FAM117B: variants seen among roughly 807,000 people sequenced by gnomAD.
FAM117B encodes family with sequence similarity 117 member B.
Under a neutral mutation model 52.8 loss-of-function variants are expected in FAM117B, and 22 were observed. That is an observed-to-expected ratio of 0.42 (90% CI 0.30 to 0.59). The LOEUF (loss-of-function observed/expected upper bound fraction) is 0.59. FAM117B is among the 20% of genes least tolerant of loss of function. The probability of loss-of-function intolerance (pLI) is 0.22; values close to 1 mark genes in which losing one functional copy is unlikely to be tolerated. For missense variants in FAM117B, 678 were observed against 802.6 expected (o/e 0.84, Z 1.88); for synonymous variants, 309 against 324.1 (o/e 0.95, Z 0.50).
chr2:202,638,481 T>C (rs1031713585), intron 1 of FAM117B, among the ~76,000 whole-genome samples: 2 of 152,182 alleles, frequency 1.3e-5, no homozygotes, highest in African/African-American at 4.8e-5. Flanking sequence ...GCTACTCCCA[T>C]GTCCTCTCTT....
intron 1 of FAM117B, among the ~76,000 whole-genome samples, chr2:202,656,172 C>T (rs1279551882): frequency 2.0e-5 from 3 of 152,044 alleles, no homozygotes; most frequent in African/African-American, 7.2e-5. Flanking sequence ...GTCAAAGAAC[C>T]AGCTTTTAGT....
At chr2:202,722,823 T>C (rs1490677358) in intron 2 of FAM117B, among the ~76,000 whole-genome samples, 1 of 151,848 alleles carries the variant, frequency 6.6e-6, no homozygotes, top group Non-Finnish European at 1.5e-5. Flanking sequence ...CCCTTGAACT[T>C]AAAAATTAAA....
chr2:202,764,567 GCTGA>G (rs1197384766), intron 7 of FAM117B, among the ~76,000 whole-genome samples: 2 of 152,162 alleles, frequency 1.3e-5, no homozygotes, highest in African/African-American at 4.8e-5. Context: ...ACCATGGCTG[GCTGA>G]TTTAGATTTT....
At chr2:202,676,686 A>G (rs1242326262) in intron 1 of FAM117B, among the ~76,000 whole-genome samples, 1 of 152,042 alleles carries the variant, frequency 6.6e-6, no homozygotes, top group African/African-American at 2.4e-5. Flanking sequence ...TCAGATGTTC[A>G]TTGTTTTAAG....
At chr2:202,662,156 G>A (rs1038435056) in intron 1 of FAM117B, among the ~76,000 whole-genome samples, 2 of 151,996 alleles carry the variant, frequency 1.3e-5, no homozygotes, top group African/African-American at 4.8e-5. Context: ...GTATGTGTGT[G>A]TGTGTACGTG....
chr2:202,660,313 C>A (rs1415017038), intron 1 of FAM117B, among the ~76,000 whole-genome samples: 1 of 151,920 alleles, frequency 6.6e-6, no homozygotes, highest in African/African-American at 2.4e-5. Context: ...TGAGTTTTTT[C>A]TTTTAGCAGG....
chr2:202,669,737 C>T (rs935414257), intron 1 of FAM117B, among the ~76,000 whole-genome samples: 5 of 151,934 alleles, frequency 3.3e-5, no homozygotes, highest in Non-Finnish European at 5.9e-5. Context: ...GCTTTTTTTC[C>T]GCCTTATCCT....
At chr2:202,757,485 C>T in intron 6 of FAM117B, 47 bp downstream of exon 6, 8 of 1,532,740 alleles carry the variant, frequency 5.2e-6, no homozygotes, top group South Asian at 1.1e-5. Context: ...GGAATACCTC[C>T]TCTTGTATCA....
At chr2:202,757,158 C>A in intron 5 of FAM117B, 55 bp from the exon 6 acceptor site, 1 of 1,523,360 alleles carries the variant, frequency 6.6e-7, no homozygotes. Flanking sequence ...GGGTTCATTG[C>A]TGGTGATTCG....
At chr2:202,662,638 C>G (rs975786906) in intron 1 of FAM117B, among the ~76,000 whole-genome samples, 3 of 151,946 alleles carry the variant, frequency 2.0e-5, no homozygotes, top group African/African-American at 7.2e-5. Flanking sequence ...GTCAAGAGAT[C>G]GAGACCATCC....
chr2:202,747,302 C>G (rs1574302419), intron 4 of FAM117B, among the ~76,000 whole-genome samples: 1 of 152,102 alleles, frequency 6.6e-6, no homozygotes, highest in African/African-American at 2.4e-5. Flanking sequence ...CAATAGGTGA[C>G]AAACCCACAG....
intron 1 of FAM117B, among the ~76,000 whole-genome samples, chr2:202,656,094 G>T (rs1399074222): frequency 1.3e-5 from 2 of 152,066 alleles, no homozygotes; most frequent in Non-Finnish European, 2.9e-5. Context: ...TTCCTGATTT[G>T]AATATTTGTA....
intron 4 of FAM117B, among the ~76,000 whole-genome samples, chr2:202,728,387 C>T (rs1308966421): frequency 1.3e-5 from 2 of 152,022 alleles, no homozygotes; most frequent in East Asian, 3.9e-4. Context: ...ATATTCTGTA[C>T]AAACTAGATT....
chr2:202,696,210 T>C (rs1015035120), intron 2 of FAM117B, among the ~76,000 whole-genome samples, 178 bp downstream of exon 2: 1 of 152,172 alleles, frequency 6.6e-6, no homozygotes, highest in Non-Finnish European at 1.5e-5. Context: ...TCGGTTTTGG[T>C]TGGGGCCTGG....
At chr2:202,740,253 G>A (rs1285524304) in intron 4 of FAM117B, among the ~76,000 whole-genome samples, 3 of 143,740 alleles carry the variant, frequency 2.1e-5, no homozygotes, top group East Asian at 2.0e-4. Context: ...CCAGCTACTC[G>A]GGAGGGTGAG....
rs1192816596 is a variant in FAM117B at position 202,766,441 on chromosome 2, G to A, written c.*677G>A. On this transcript the variant is annotated 3_prime_UTR_variant, in exon 8 of 8. Coordinates refer to ENST00000392238, the MANE Select transcript of FAM117B (RefSeq NM_173511.4). ...AAAAAGAGATTAAAAAGCAATATTC[G>A]TACATTATGTGATTTATGTTTTTGA... The A allele has an allele frequency of 2.0e-5, 3 of 152,550 alleles. No homozygotes were observed. The highest frequency in any genetic ancestry group is 4.8e-5 in the African/African-American group (2 of 41,420). 9.4% of individuals were successfully genotyped at this position (152,550 alleles called of 1,614,324 possible). A position where few individuals can be genotyped will look rare whatever the true frequency, so the allele number is the denominator to read the frequency against.
chr2:202,674,024 C>T (rs1690340681), intron 1 of FAM117B, among the ~76,000 whole-genome samples: 1 of 151,912 alleles, frequency 6.6e-6, no homozygotes, highest in Non-Finnish European at 1.5e-5. Context: ...TTCCTCCCTG[C>T]ACCCCCCCCA....
At chr2:202,712,419 CTTTTT>C (rs1186703318) in intron 2 of FAM117B, among the ~76,000 whole-genome samples, 3 of 89,460 alleles carry the variant, frequency 3.4e-5, no homozygotes, top group Non-Finnish European at 6.4e-5. Context: ...TATCAGCTCT[CTTTTT>C]TTTTTTTTTT....
At chr2:202,677,189 T>A (rs1389416745) in intron 1 of FAM117B, among the ~76,000 whole-genome samples, 1 of 151,726 alleles carries the variant, frequency 6.6e-6, no homozygotes, top group Non-Finnish European at 1.5e-5. Flanking sequence ...TGCCTCAGCC[T>A]CCCGAGTAGC....
Sources: gnomAD v4.1 joint callset for allele counts (sites outside exome capture counted in the v4.1 genomes callset) on GRCh38, gnomAD v4.1.1 for gene constraint, MANE v1.5 for transcripts, NCBI Gene and HGNC (gene_info 2026-07-23, HGNC 2026-07-21) for gene names.